The following C8orf34 variants were observed in gnomAD, a reference collection of about 807,000 sequenced individuals.
C8orf34 encodes uncharacterized protein C8orf34.
A neutral mutation model predicts 68.3 loss-of-function variants in C8orf34; 65 were observed. That is an observed-to-expected ratio of 0.95 (90% CI 0.78 to 1.17). The LOEUF (loss-of-function observed/expected upper bound fraction) is 1.17. Ranked by LOEUF, C8orf34 falls within the 50% of genes most tolerant of loss-of-function variation. The probability of loss-of-function intolerance (pLI) is 0.00; values close to 1 mark genes in which losing one functional copy is unlikely to be tolerated. For missense variants in C8orf34, 664 were observed against 655.4 expected (o/e 1.01, Z -0.14); for synonymous variants, 244 against 241.2 (o/e 1.01, Z -0.11).
At chr8:68,535,230 T>C in intron 7 of C8orf34, 2 of 978,620 alleles carry the variant, frequency 2.0e-6, no homozygotes, top group Non-Finnish European at 2.4e-6. Context: ...AATCTAATTT[T>C]ATAGAGTTTA....
intron 9 of C8orf34, 142 bp from the exon 10 acceptor site, chr8:68,721,219 C>A (rs1371900758): frequency 1.8e-6 from 1 of 547,574 alleles, no homozygotes; most frequent in South Asian, 2.7e-5. Flanking sequence ...TATTATTTCA[C>A]GTTCTATTTT....
chr8:68,430,132 A>G (rs1253075821), intron 1 of C8orf34, among the ~76,000 whole-genome samples: 1 of 152,180 alleles, frequency 6.6e-6, no homozygotes, highest in East Asian at 1.9e-4. Flanking sequence ...CCAATGGCCA[A>G]TGATTTAATC....
intron 11 of C8orf34, among the ~76,000 whole-genome samples, chr8:68,783,758 A>G (rs916831207): frequency 2.0e-5 from 3 of 151,946 alleles, no homozygotes; most frequent in Admixed American, 6.6e-5. Flanking sequence ...CTGTGCCCCA[A>G]CCACCTCGGG....
At chr8:68,432,257 T>G (rs1274029188) in intron 1 of C8orf34, among the ~76,000 whole-genome samples, 2 of 151,850 alleles carry the variant, frequency 1.3e-5, no homozygotes, top group Non-Finnish European at 2.9e-5. Flanking sequence ...TTATTAAATC[T>G]ATGTAAAATA....
chr8:68,437,491 A>G (rs1055049440), intron 1 of C8orf34, among the ~76,000 whole-genome samples: 1 of 152,114 alleles, frequency 6.6e-6, no homozygotes, highest in Non-Finnish European at 1.5e-5. Context: ...ACCCTTTATA[A>G]TGTAAAATTA....
intron 1 of C8orf34, among the ~76,000 whole-genome samples, chr8:68,402,191 A>G (rs923720555): frequency 2.0e-5 from 3 of 152,062 alleles, no homozygotes; most frequent in African/African-American, 4.8e-5. Context: ...ATTTGTGAGC[A>G]TATAGTTGTT....
At chr8:68,654,038 T>A (rs1162724958) in intron 8 of C8orf34, among the ~76,000 whole-genome samples, 1 of 152,182 alleles carries the variant, frequency 6.6e-6, no homozygotes, top group Admixed American at 6.5e-5. Flanking sequence ...TTAAAACAAT[T>A]CTGCTTTATA....
intron 10 of C8orf34, among the ~76,000 whole-genome samples, chr8:68,722,166 A>C (rs1050339235): frequency 6.6e-6 from 1 of 152,004 alleles, no homozygotes; most frequent in Admixed American, 6.6e-5. Context: ...CTTGCTTCTG[A>C]GGTCTCCCTT....
chr8:68,395,716 G>A (rs1808676755), intron 1 of C8orf34, among the ~76,000 whole-genome samples: 1 of 152,084 alleles, frequency 6.6e-6, no homozygotes, highest in African/African-American at 2.4e-5. Context: ...TGTTACATTA[G>A]AACTATATTA....
At chr8:68,339,998 G>T (rs988643884) in intron 1 of C8orf34, among the ~76,000 whole-genome samples, 1 of 152,050 alleles carries the variant, frequency 6.6e-6, no homozygotes, top group Non-Finnish European at 1.5e-5. Flanking sequence ...ATAAGAAGAT[G>T]TATAGGTGGC....
At chr8:68,467,826 A>G (rs1032606079) in intron 3 of C8orf34, among the ~76,000 whole-genome samples, 3 of 152,014 alleles carry the variant, frequency 2.0e-5, no homozygotes, top group African/African-American at 7.2e-5. Flanking sequence ...TTCTTAGGCC[A>G]AGTGTTGCCT....
At chr8:68,609,521 G>T (rs767017431) in intron 7 of C8orf34, among the ~76,000 whole-genome samples, 8 of 152,182 alleles carry the variant, frequency 5.3e-5, no homozygotes, top group Admixed American at 2.0e-4. Flanking sequence ...AGGGTATAAA[G>T]AGTTTTAAGA....
chr8:68,603,275 C>T (rs986065582), intron 7 of C8orf34, among the ~76,000 whole-genome samples: 1 of 152,036 alleles, frequency 6.6e-6, no homozygotes, highest in Non-Finnish European at 1.5e-5. Context: ...TTAATAGTTT[C>T]TCATAAAGTT....
chr8:68,740,548 C>T (rs1399032730), intron 10 of C8orf34, among the ~76,000 whole-genome samples: 4 of 152,078 alleles, frequency 2.6e-5, no homozygotes, highest in Admixed American at 1.3e-4. Context: ...TACCATCTCA[C>T]ACCAGTCAGA....
At chr8:68,467,605 A>AG (rs1318348622) in intron 3 of C8orf34, among the ~76,000 whole-genome samples, 1 of 151,810 alleles carries the variant, frequency 6.6e-6, no homozygotes, top group Admixed American at 6.6e-5. Context: ...GGAGAATGGG[A>AG]GGTCACCTGT....
At chr8:68,643,723 C>G (rs1445762509) in intron 8 of C8orf34, among the ~76,000 whole-genome samples, 1 of 152,180 alleles carries the variant, frequency 6.6e-6, no homozygotes, top group Non-Finnish European at 1.5e-5. Context: ...ATATCCCTAC[C>G]TCCTTATACT....
intron 3 of C8orf34, among the ~76,000 whole-genome samples, chr8:68,455,936 T>A (rs1219040974): frequency 2.0e-5 from 3 of 151,716 alleles, no homozygotes; most frequent in South Asian, 2.1e-4. Flanking sequence ...AAAACAGTTA[T>A]CAATTCATTA....
chr8:68,498,258 G>A (rs1208637850), intron 5 of C8orf34, among the ~76,000 whole-genome samples: 1 of 152,196 alleles, frequency 6.6e-6, no homozygotes, highest in South Asian at 2.1e-4. Context: ...GAGATGGTAT[G>A]GGGGTAGAAA....
Position 68,575,275 on chromosome 8 carries a change from C to T in C8orf34, c.1105+42126C>T, listed in dbSNP as rs565211013. Among the ~76,000 whole-genome samples, 148 of 152,136 alleles carry T rather than the reference C, an allele frequency of 9.7e-4. 1 individual carries two copies. Among genetic ancestry groups the T allele is most frequent in the African/African-American group, 2.5e-3 (103 of 41,534 alleles). On this transcript the variant is annotated intron_variant, in intron 7 of 13. Coordinates refer to ENST00000518698, the MANE Select transcript of C8orf34 (RefSeq NM_052958.4). ...AAACGCCAATAAAATTGTTGTATACCTAAGTCAGTGTAAAAATAATTATCT... is the reference window on the plus strand; with the variant it reads ...AAACGCCAATAAAATTGTTGTATACTTAAGTCAGTGTAAAAATAATTATCT...
Sources: allele counts gnomAD v4.1 joint callset (sites outside exome capture counted in the v4.1 genomes callset), GRCh38; gene constraint gnomAD v4.1.1; transcripts MANE v1.5; gene names NCBI Gene and HGNC (gene_info 2026-07-23, HGNC 2026-07-21).